CACNA1C: variants seen among roughly 807,000 people sequenced by gnomAD.
CACNA1C encodes voltage-dependent L-type calcium channel subunit alpha-1C.
CACNA1C carries 30 observed loss-of-function variants against 229.0 expected under a neutral mutation model. That is an observed-to-expected ratio of 0.13 (90% confidence interval 0.10 to 0.18). CACNA1C has a LOEUF of 0.18. CACNA1C is among the 10% of genes least tolerant of loss of function. The probability of loss-of-function intolerance (pLI) is 1.00; values close to 1 mark genes in which losing one functional copy is unlikely to be tolerated. For synonymous variants in CACNA1C, 1,114 were observed against 1,132.5 expected, an observed-to-expected ratio of 0.98 and a Z score of 0.33; for missense variants, 1,658 against 2,845.0, an observed-to-expected ratio of 0.58 and a Z score of 9.49.
intron 13 of CACNA1C, among the ~76,000 whole-genome samples, chr12:2,576,349 G>A (rs1401559023): frequency 6.6e-6 from 1 of 152,170 alleles, no homozygotes; most frequent in Non-Finnish European, 1.5e-5. Context: ...CCGGCACCCG[G>A]GTGCTGTAGA....
intron 3 of CACNA1C, among the ~76,000 whole-genome samples, chr12:2,313,062 T>C (rs1053313947): frequency 7.9e-5 from 12 of 152,154 alleles, no homozygotes; most frequent in African/African-American, 2.9e-4. Context: ...TGTACAGAAT[T>C]GGCCTGGGAG....
chr12:1,982,690 G>T (rs1017595725), intron 1 of CACNA1C, among the ~76,000 whole-genome samples: 1 of 151,862 alleles, frequency 6.6e-6, no homozygotes, highest in African/African-American at 2.4e-5. Flanking sequence ...TTTTTTGTTC[G>T]CATTTTGCTG....
chr12:1,992,505 T>C (rs897777187), intron 1 of CACNA1C: 2 of 154,238 alleles, frequency 1.3e-5, no homozygotes, highest in African/African-American at 4.8e-5. Context: ...ATAAGGTGCA[T>C]GTGTGTGCAC....
At chr12:2,073,195 TA>T (rs898769004) in intron 1 of CACNA1C, among the ~76,000 whole-genome samples, 1 of 152,108 alleles carries the variant, frequency 6.6e-6, no homozygotes, top group African/African-American at 2.4e-5. Flanking sequence ...ACCAAGTGTT[TA>T]AAAAAACGTG....
In CACNA1C at chr12:2,312,215, T is replaced by A. The variant is rs200859863; in HGVS notation, c.478-136761T>A. Among the ~76,000 whole-genome samples the A allele has an allele frequency of 7.9e-5, 12 of 152,312 alleles. No individual in the cohort carries two copies. The East Asian group carries it at 2.3e-3, about 29-fold the overall frequency. On this transcript the variant is annotated intron_variant, in intron 3 of 46. Coordinates refer to ENST00000399655, the MANE Select transcript of CACNA1C (RefSeq NM_000719.7). The stretch of plus-strand genomic sequence containing the variant: ...CAGGGAGCACTGAGAAATGCTGATA[T>A]GTGGTTGCCTTCACTATTGGCTGTA...
Position 2,215,666 on chromosome 12 carries a change from A to C in CACNA1C, c.477+95236A>C, listed in dbSNP as rs1017552367. Among the ~76,000 whole-genome samples the C allele has an allele frequency of 1.3e-5, 2 of 152,182 alleles. No individual in the cohort carries two copies. The highest frequency in any genetic ancestry group is 6.5e-5 in the Admixed American group (1 of 15,278). ...GCCCTTCAGGGACAGGCTCCAGGGT[A>C]GGCCTGGCAGAGGGAAGGACCATGT... is the stretch of plus-strand genomic sequence containing the variant. On this transcript the variant is annotated intron_variant, in intron 3 of 46. Coordinates refer to ENST00000399655, the MANE Select transcript of CACNA1C (RefSeq NM_000719.7). The surrounding 1 kb of genome is among the most constrained non-coding windows in gnomAD (Gnocchi z 5.0).
rs148008322 is a variant in CACNA1C, at chr12:2,263,770, C to T, written c.477+143340C>T. 2.2e-3 allele frequency among the ~76,000 whole-genome samples: 330 copies of T among 151,934 alleles called. 2 individuals are homozygous for T. Among genetic ancestry groups the T allele is most frequent in the Middle Eastern group, 3.4e-3 (1 of 294 alleles). The stretch of plus-strand genomic sequence containing the variant: ...TTGAGTGAATGGAAGGCTGGAGAGT[C>T]ACCATGATCCGAGATGGGCAGGAGC... On this transcript the variant is annotated intron_variant, in intron 3 of 46. Transcript: ENST00000399655.
intron 3 of CACNA1C, among the ~76,000 whole-genome samples, chr12:2,384,108 T>G (rs1450776258): frequency 6.6e-6 from 1 of 152,206 alleles, no homozygotes; most frequent in Non-Finnish European, 1.5e-5. Flanking sequence ...CTGCCTTCCT[T>G]CTGTGGATCA....
intron 3 of CACNA1C, among the ~76,000 whole-genome samples, chr12:2,146,447 CA>C (rs2094716130): frequency 6.6e-6 from 1 of 151,138 alleles, no homozygotes; most frequent in East Asian, 1.9e-4. Context: ...AAGGGACTCA[CA>C]AATACATTTT....
chr12:2,306,071 T>G (rs985283440), intron 3 of CACNA1C, among the ~76,000 whole-genome samples: 1 of 152,174 alleles, frequency 6.6e-6, no homozygotes, highest in African/African-American at 2.4e-5. Context: ...GGAGCCAGGA[T>G]TTGAGCCCAG....
intron 3 of CACNA1C, among the ~76,000 whole-genome samples, chr12:2,388,325 G>A (rs1223001949): frequency 4.6e-5 from 7 of 152,372 alleles, no homozygotes. Context: ...GTGGGCACAT[G>A]TAAGACTATG....
chr12:2,294,142 A>T (rs750856850), intron 3 of CACNA1C, among the ~76,000 whole-genome samples: 1 of 152,248 alleles, frequency 6.6e-6, no homozygotes, highest in Non-Finnish European at 1.5e-5. Context: ...GATTGGTAAT[A>T]TATTAATGAA....
intron 1 of CACNA1C, among the ~76,000 whole-genome samples, chr12:2,031,751 A>G (rs2154492112): frequency 6.6e-6 from 1 of 152,312 alleles, no homozygotes; most frequent in East Asian, 1.9e-4. Flanking sequence ...GAATGCTTTG[A>G]TACCATTTTG....
intron 1 of CACNA1C, among the ~76,000 whole-genome samples, chr12:2,057,143 C>G (rs762714570): frequency 3.0e-4 from 45 of 152,300 alleles, no homozygotes; most frequent in Non-Finnish European, 4.4e-4. Context: ...TGACCTAGGT[C>G]TCTTCAATTT....
chr12:2,475,162 A>G (rs565330798), intron 5 of CACNA1C, among the ~76,000 whole-genome samples: 3 of 152,016 alleles, frequency 2.0e-5, no homozygotes, highest in South Asian at 2.1e-4. Context: ...AGCCGGGCGC[A>G]GTAGTGGGCG....
chr12:2,222,065 C>A (rs1183216433), intron 3 of CACNA1C: 1 of 152,080 alleles, frequency 6.6e-6, no homozygotes, highest in African/African-American at 2.4e-5. Context: ...TAATGATAAG[C>A]CAATTCAGGG....
intron 3 of CACNA1C, among the ~76,000 whole-genome samples, chr12:2,140,570 G>T (rs1188847883): frequency 6.6e-6 from 1 of 151,300 alleles, no homozygotes. Context: ...AAATGTCTTT[G>T]CTTCTCTTGA....
intron 3 of CACNA1C, among the ~76,000 whole-genome samples, chr12:2,199,417 AATAGT>A (rs2097522334): frequency 6.6e-6 from 1 of 152,202 alleles, no homozygotes; most frequent in Non-Finnish European, 1.5e-5. Flanking sequence ...CTACTTAATG[AATAGT>A]AAATATATTT....
chr12:2,203,384 AG>A (rs1598971145), intron 3 of CACNA1C, among the ~76,000 whole-genome samples: 1 of 152,162 alleles, frequency 6.6e-6, no homozygotes, highest in Non-Finnish European at 1.5e-5. Flanking sequence ...CACCCACTGA[AG>A]GGTAGACCTT....
Sources: allele counts gnomAD v4.1 joint callset (sites outside exome capture counted in the v4.1 genomes callset), GRCh38; gene constraint gnomAD v4.1.1; non-coding constraint Gnocchi (gnomAD v3.1); transcripts MANE v1.5; gene names NCBI Gene and HGNC (gene_info 2026-07-23, HGNC 2026-07-21).